The following PRKG1 variants were observed in gnomAD, a reference collection of about 807,000 sequenced individuals.
The protein encoded by PRKG1 is cGMP-dependent protein kinase 1.
In PRKG1, 35 loss-of-function variants were observed where a neutral mutation model predicts 88.1. That is an observed-to-expected ratio of 0.40 (90% CI 0.30 to 0.53). The LOEUF is 0.53. Among genes scored for constraint, PRKG1 ranks in the 20% least tolerant of loss-of-function variants. The probability of loss-of-function intolerance (pLI) is 0.59; values close to 1 mark genes in which losing one functional copy is unlikely to be tolerated. For missense variants in PRKG1, 540 were observed against 839.8 expected (o/e 0.64, Z 4.41); for synonymous variants, 303 against 292.5 (o/e 1.04, Z -0.37).
At chr10:51,911,997 G>A (rs2132956816) in intron 5 of PRKG1, among the ~76,000 whole-genome samples, 1 of 152,296 alleles carries the variant, frequency 6.6e-6, no homozygotes, top group Non-Finnish European at 1.5e-5. Flanking sequence ...CTCATAGCAT[G>A]TGTTTCAGTG....
chr10:51,569,159 A>C (rs1169353187), intron 3 of PRKG1, among the ~76,000 whole-genome samples: 2 of 152,054 alleles, frequency 1.3e-5, no homozygotes, highest in African/African-American at 4.8e-5. Flanking sequence ...AGTAAACCAA[A>C]TACTTGGAGG....
At chr10:51,368,829 G>A (rs774397713) in intron 2 of PRKG1, among the ~76,000 whole-genome samples, 11 of 152,090 alleles carry the variant, frequency 7.2e-5, no homozygotes, top group Non-Finnish European at 1.5e-4. Flanking sequence ...CTTCATGGGA[G>A]CGTAGTGTCC....
At chr10:51,272,992 A>C (rs550511466) in intron 2 of PRKG1, among the ~76,000 whole-genome samples, 4 of 152,330 alleles carry the variant, frequency 2.6e-5, no homozygotes, top group Non-Finnish European at 4.4e-5. Flanking sequence ...GTGTTAGAAG[A>C]GTCAGGCAGG....
At position 52,161,572 on chromosome 10, in the gene PRKG1, G is replaced by A. The variant is rs139860107; in HGVS notation, c.1002-317G>A. ...TTTTAATTGACTGATTAACTTTGTG[G>A]TGTATATCATTTAGTGTGTCACAGA... On this transcript the variant is annotated intron_variant, in intron 8 of 17. Transcript: ENST00000373980. Among the ~76,000 whole-genome samples the A allele has an allele frequency of 5.7e-4, 86 of 152,172 alleles. 1 individual carries two copies. In the Middle Eastern group the frequency reaches 0.017, roughly 30 times the overall value.
chr10:52,138,530 G>T (rs1045014388), intron 8 of PRKG1, among the ~76,000 whole-genome samples: 2 of 151,984 alleles, frequency 1.3e-5, no homozygotes, highest in African/African-American at 2.4e-5. Flanking sequence ...GGTGATTCTT[G>T]AGGCCCTTGT....
intron 5 of PRKG1, among the ~76,000 whole-genome samples, chr10:52,007,179 A>G (rs2133161822): frequency 6.6e-6 from 1 of 152,348 alleles, no homozygotes; most frequent in Middle Eastern, 3.4e-3. Flanking sequence ...ACACTTAAGT[A>G]CACAGACAAG....
At chr10:51,679,121 CTGT>C (rs1456530259) in intron 3 of PRKG1, among the ~76,000 whole-genome samples, 1 of 152,144 alleles carries the variant, frequency 6.6e-6, no homozygotes, top group Non-Finnish European at 1.5e-5. Flanking sequence ...TTATTTTTAA[CTGT>C]TGTTTCTTAT....
chr10:51,312,827 A>G (rs1240170701), intron 2 of PRKG1, among the ~76,000 whole-genome samples: 1 of 152,192 alleles, frequency 6.6e-6, no homozygotes, highest in Non-Finnish European at 1.5e-5. Flanking sequence ...TTCTCACTGT[A>G]AAAGCTTATT....
At chr10:52,201,478 A>G (rs1398549885) in intron 9 of PRKG1, among the ~76,000 whole-genome samples, 1 of 151,988 alleles carries the variant, frequency 6.6e-6, no homozygotes, top group South Asian at 2.1e-4. Context: ...TTTGAAGTCA[A>G]GTACTGTAAT....
intron 2 of PRKG1, among the ~76,000 whole-genome samples, chr10:51,316,731 G>A (rs1008759080): frequency 3.4e-5 from 5 of 148,844 alleles, no homozygotes; most frequent in Non-Finnish European, 6.1e-5. Flanking sequence ...AATGAATTGC[G>A]ATAATGGTAT....
At chr10:52,113,270 A>G (rs2132593955) in intron 7 of PRKG1, among the ~76,000 whole-genome samples, 1 of 152,342 alleles carries the variant, frequency 6.6e-6, no homozygotes, top group East Asian at 1.9e-4. Flanking sequence ...ATTAAACTAT[A>G]AATTTCTTGA....
rs147910619 is a variant in PRKG1, at chr10:51,916,369, G to A, written c.762+8799G>A. Among the ~76,000 whole-genome samples, 384 of 152,192 alleles carry A rather than the reference G, an allele frequency of 2.5e-3. 2 individuals are homozygous for A. Among genetic ancestry groups the A allele is most frequent in the African/African-American group, 8.2e-3 (341 of 41,528 alleles). On this transcript the variant is annotated intron_variant, in intron 5 of 17. Transcript: ENST00000373980. Reference sequence around the variant, plus strand: ...CACCATGACAGTTTACAAATGCCACGGCAACATCAGGAAGTTACCCTAAAT... The same window carrying A: ...CACCATGACAGTTTACAAATGCCACAGCAACATCAGGAAGTTACCCTAAAT...
intron 2 of PRKG1, among the ~76,000 whole-genome samples, chr10:51,359,213 A>G (rs1842427943): frequency 1.3e-5 from 2 of 151,938 alleles, no homozygotes; most frequent in African/African-American, 4.8e-5. Context: ...TTTGAAGACT[A>G]ACTGTATTCT....
At chr10:51,680,328 A>G (rs1840821148) in intron 3 of PRKG1, among the ~76,000 whole-genome samples, 1 of 152,118 alleles carries the variant, frequency 6.6e-6, no homozygotes, top group Non-Finnish European at 1.5e-5. Context: ...ATCTTTGTAA[A>G]GGAGGCCCTT....
intron 2 of PRKG1, among the ~76,000 whole-genome samples, chr10:51,403,549 A>G (rs1303933300): frequency 6.6e-6 from 1 of 152,176 alleles, no homozygotes; most frequent in Non-Finnish European, 1.5e-5. Context: ...AATTCTCCTC[A>G]TTTAAGGATA....
chr10:51,374,715 A>G (rs1842783336), intron 2 of PRKG1, among the ~76,000 whole-genome samples: 1 of 152,134 alleles, frequency 6.6e-6, no homozygotes, highest in Admixed American at 6.6e-5. Flanking sequence ...TGATGTTGGA[A>G]TTCCCACCCT....
intron 4 of PRKG1, among the ~76,000 whole-genome samples, chr10:51,831,606 A>G (rs1357633675): frequency 1.3e-5 from 2 of 152,140 alleles, no homozygotes; most frequent in East Asian, 3.9e-4. Flanking sequence ...CTCATAGTTC[A>G]CTACTATTCC....
At chr10:51,935,744 T>A (rs906003454) in intron 5 of PRKG1, among the ~76,000 whole-genome samples, 63 of 151,688 alleles carry the variant, frequency 4.2e-4, no homozygotes, top group African/African-American at 1.5e-3. Flanking sequence ...CTTTTCTAGG[T>A]TTTTTTGCCA....
chr10:52,294,022 T>A lies in PRKG1; in HGVS notation c.*122T>A. On this transcript the variant is annotated 3_prime_UTR_variant, in exon 18 of 18. Coordinates refer to ENST00000373980, the MANE Select transcript of PRKG1 (RefSeq NM_006258.4). ...GGGTCACCATGATGCCTTTGATCGA[T>A]GCTGCTCCAGTAACTACAGTGGCAT... 1 of 724,404 alleles carries A rather than the reference T, an allele frequency of 1.4e-6. No individual in the cohort carries two copies. Among genetic ancestry groups the A allele is most frequent in the Non-Finnish European group, 2.3e-6 (1 of 432,230 alleles). The allele number at this position is 724,404 out of a possible 1,614,324, so 44.9% of individuals were successfully genotyped here.
Sources: allele counts gnomAD v4.1 joint callset (sites outside exome capture counted in the v4.1 genomes callset), GRCh38; gene constraint gnomAD v4.1.1; transcripts MANE v1.5; gene names NCBI Gene and HGNC (gene_info 2026-07-23, HGNC 2026-07-21).